WWC2: variants seen among roughly 807,000 people sequenced by gnomAD.
WWC2 encodes WW and C2 domain containing 2, also known as protein WWC2.
WWC2 carries 101 observed loss-of-function variants against 138.5 expected under a neutral mutation model. That is an observed-to-expected ratio of 0.73 (90% CI 0.62 to 0.86). The LOEUF (loss-of-function observed/expected upper bound fraction) is 0.86. WWC2 is among the 40% of genes least tolerant of loss of function. WWC2 has a pLI of 0.00. For synonymous variants in WWC2, 558 were observed against 538.4 expected, an observed-to-expected ratio of 1.04 and a Z score of -0.50; for missense variants, 1,420 against 1,419.4, an observed-to-expected ratio of 1.00 and a Z score of -0.01.
intron 4 of WWC2, among the ~76,000 whole-genome samples, chr4:183,215,395 T>C (rs1288137479): frequency 6.6e-6 from 1 of 152,148 alleles, no homozygotes; most frequent in Non-Finnish European, 1.5e-5. Flanking sequence ...TGCAACAGTC[T>C]TAGTGAATTT....
intron 4 of WWC2, among the ~76,000 whole-genome samples, chr4:183,232,497 GACATTTCATATAA>G (rs1181166167): frequency 2.6e-5 from 4 of 152,096 alleles, no homozygotes; most frequent in African/African-American, 4.8e-5. Context: ...GCCTGTTACA[GACATTTCATATAA>G]ATGGCATCGT....
chr4:183,179,910 A>C (rs1488822277), intron 1 of WWC2, among the ~76,000 whole-genome samples: 2 of 152,208 alleles, frequency 1.3e-5, no homozygotes, highest in Admixed American at 1.3e-4. Flanking sequence ...AACTCGGTGA[A>C]CTGAACAGAG....
At chr4:183,230,852 A>G (rs1736222980) in intron 4 of WWC2, among the ~76,000 whole-genome samples, 1 of 152,232 alleles carries the variant, frequency 6.6e-6, no homozygotes, top group Admixed American at 6.5e-5. Flanking sequence ...CTTAAGAAAT[A>G]AAGAGACATG....
chr4:183,224,972 G>A (rs1463879218), intron 4 of WWC2, among the ~76,000 whole-genome samples: 1 of 152,130 alleles, frequency 6.6e-6, no homozygotes, highest in Non-Finnish European at 1.5e-5. Flanking sequence ...TTCCTATCTT[G>A]TGATAATGGA....
intron 1 of WWC2, among the ~76,000 whole-genome samples, chr4:183,164,284 A>G (rs1184178128): frequency 3.2e-3 from 1 of 312 alleles, no homozygotes; most frequent in African/African-American, 5.3e-3. Context: ...ATATATATAT[A>G]TATATATATA....
intron 5 of WWC2, among the ~76,000 whole-genome samples, chr4:183,241,391 G>C (rs1382381330): frequency 6.6e-6 from 1 of 152,184 alleles, no homozygotes; most frequent in African/African-American, 2.4e-5. Context: ...TTCTTGTTTG[G>C]GTGATTAGTC....
At chr4:183,262,356 C>T (rs571299088) in intron 11 of WWC2, among the ~76,000 whole-genome samples, 7 of 152,184 alleles carry the variant, frequency 4.6e-5, no homozygotes, top group Non-Finnish European at 1.0e-4. Flanking sequence ...TACAGCTGTC[C>T]TGTTCACAGC....
intron 18 of WWC2, among the ~76,000 whole-genome samples, chr4:183,283,151 T>C (rs1242060151): frequency 6.6e-6 from 1 of 152,250 alleles, no homozygotes; most frequent in Non-Finnish European, 1.5e-5. Flanking sequence ...TAGTGCTAGT[T>C]ACTTTAAATC....
In WWC2 at chr4:183,282,900, A is replaced by G. The variant is rs756977342; in HGVS notation, c.2877A>G (p.Pro959=). The G allele has an allele frequency of 2.5e-6, 4 of 1,577,794 alleles. No individual in the cohort carries two copies. In the Admixed American group the frequency reaches 7.3e-5, roughly 29 times the overall value. ...GAAGTCAGCCACCTACTAGAATACC[A>G]ACACTGGTGACTATTCCGCTGTGCT... ...DLRSQPPTRI[P]TLVDKETNTD... The change falls in exon 18 of 23, where the codon CCA becomes CCG. Residue 959 remains proline (P), a synonymous_variant. Transcript: ENST00000403733.
intron 14 of WWC2, among the ~76,000 whole-genome samples, chr4:183,268,524 G>A (rs1737581963): frequency 6.6e-6 from 1 of 152,126 alleles, no homozygotes; most frequent in Admixed American, 6.5e-5. Flanking sequence ...CCATTCCTGG[G>A]AGGTGATCAT....
intron 1 of WWC2, among the ~76,000 whole-genome samples, chr4:183,100,953 G>A (rs186459266): frequency 6.6e-6 from 1 of 152,324 alleles, no homozygotes; most frequent in East Asian, 1.9e-4. Flanking sequence ...AGACGTGCTA[G>A]TTGTTGTCAT....
chr4:183,192,004 C>T (rs1013642829), intron 1 of WWC2, among the ~76,000 whole-genome samples: 5 of 152,150 alleles, frequency 3.3e-5, no homozygotes, highest in African/African-American at 4.8e-5. Flanking sequence ...GAATTACAGG[C>T]GTGAGCCACG....
rs541692263 is a variant in WWC2 at position 183,212,441 on chromosome 4, T to G, written c.522+3416T>G. ...TATCTCTGTACCGTGTCTATATGTT[T>G]GTTTCTGTGATCTACTAGGCTAGAT... is the stretch of plus-strand genomic sequence containing the variant. On this transcript the variant is annotated intron_variant, in intron 4 of 22. Transcript: ENST00000403733. 3.9e-5 allele frequency among the ~76,000 whole-genome samples: 6 copies of G among 152,314 alleles called. No individual in the cohort carries two copies. The South Asian group carries it at 1.2e-3, about 32-fold the overall frequency.
chr4:183,282,837 C>T lies in WWC2; in HGVS notation c.2814C>T (p.Asp938=), dbSNP rs17291770. 93,190 of 1,591,376 alleles carry T rather than the reference C, an allele frequency of 0.059. 3,092 individuals carry two copies. Among genetic ancestry groups the T allele is most frequent in the South Asian group, 0.087 (7,593 of 87,090 alleles). The part of the protein sequence containing the change: ...SCTSVPEMNE[D]GNRKESNCAK... ...CTAGTGTGCCTGAGATGAATGAAGA[C>T]GGGAACAGGAAAGAAAGCAACTGTG... The change falls in exon 18 of 23, where the codon GAC becomes GAT. Residue 938 remains aspartate, a synonymous_variant. Transcript: ENST00000403733.
At chr4:183,129,639 A>G (rs1392264279) in intron 1 of WWC2, among the ~76,000 whole-genome samples, 1 of 152,196 alleles carries the variant, frequency 6.6e-6, no homozygotes, top group Non-Finnish European at 1.5e-5. Flanking sequence ...GAATCTGTAC[A>G]GTTGTTCTTT....
At position 183,260,932 on chromosome 4, in the gene WWC2, A is replaced by C; in HGVS notation, c.1309A>C (p.Met437Leu). Reference sequence around the variant, plus strand: ...CAGCCTCTCTGCCAGCACCCTGTCCATGTCATCTGGGAGCAGCCTGGGTTC... The same window carrying C: ...CAGCCTCTCTGCCAGCACCCTGTCCCTGTCATCTGGGAGCAGCCTGGGTTC... ...LKSLSASTLSMSSGSSLGSLA... is the reference protein window; with the variant it reads ...LKSLSASTLSLSSGSSLGSLA... Residue 437 changes from methionine to leucine, a missense_variant, in exon 11 of 23, where the codon ATG becomes CTG. Transcript: ENST00000403733. 1 of 1,613,810 alleles carries C rather than the reference A, an allele frequency of 6.2e-7. No homozygotes were observed. Among genetic ancestry groups the C allele is most frequent in the Non-Finnish European group, 8.5e-7 (1 of 1,179,860 alleles).
In WWC2 at chr4:183,099,478, C is replaced by CGAGGCCGCCGACCATGCCTAG; in HGVS notation, c.-9_12dup. On this transcript the variant is annotated 5_prime_UTR_variant, in exon 1 of 23. In the 5' UTR this introduces an upstream ATG that the reference lacks. Coordinates refer to ENST00000403733, the MANE Select transcript of WWC2 (RefSeq NM_024949.6). ...TACCTATGGAGGCGCCGCTCGCCGG[C>CGAGGCCGCCGACCATGCCTAG]GAGGCCGCCGACCATGCCTAGGAGG... 7.7e-7 allele frequency: 1 copy of CGAGGCCGCCGACCATGCCTAG among 1,293,312 alleles called. No individual in the cohort carries two copies. Among genetic ancestry groups the CGAGGCCGCCGACCATGCCTAG allele is most frequent in the Non-Finnish European group, 9.9e-7 (1 of 1,011,046 alleles). The allele number at this position is 1,293,312 out of a possible 1,614,324, so 80.1% of individuals were successfully genotyped here.
chr4:183,201,591 C>G (rs574742468), intron 2 of WWC2, among the ~76,000 whole-genome samples: 1 of 152,268 alleles, frequency 6.6e-6, no homozygotes, highest in Non-Finnish European at 1.5e-5. Context: ...TCTGGAAATT[C>G]CTGTGGGCCA....
chr4:183,174,895 A>G (rs991887934), intron 1 of WWC2, among the ~76,000 whole-genome samples: 9 of 152,044 alleles, frequency 5.9e-5, no homozygotes, highest in African/African-American at 2.2e-4. Flanking sequence ...ATCTATGTCT[A>G]TATTTTCTCT....
Sources: allele counts gnomAD v4.1 joint callset (sites outside exome capture counted in the v4.1 genomes callset), GRCh38; gene constraint gnomAD v4.1.1; transcripts MANE v1.5; gene names NCBI Gene and HGNC (gene_info 2026-07-23, HGNC 2026-07-21).